Variants in DMD observed in about 807,000 individuals in gnomAD.
DMD encodes mutant dystrophin.
In DMD, 63 loss-of-function variants were observed where a neutral mutation model predicts 330.1. That is an observed-to-expected ratio of 0.19 (90% confidence interval 0.16 to 0.24). The LOEUF is 0.24. Among genes scored for constraint, DMD ranks in the 10% least tolerant of loss-of-function variants. The pLI is 1.00. For missense variants in DMD, 3,344 were observed against 2,684.1 expected, an observed-to-expected ratio of 1.25 and a Z score of -5.43; for synonymous variants, 1,223 against 959.8, an observed-to-expected ratio of 1.27 and a Z score of -5.07.
At chrX:32,400,065 G>C (rs1225364852) in intron 30 of DMD, among the ~76,000 whole-genome samples, 2 of 111,425 alleles carry the variant, frequency 1.8e-5, no homozygotes, top group African/African-American at 6.5e-5. Flanking sequence ...TCCGGTTTTT[G>C]CCCATTCAGT....
chrX:32,352,725 C>A (rs906797525), intron 37 of DMD, among the ~76,000 whole-genome samples: 9 of 110,699 alleles, frequency 8.1e-5, no homozygotes, highest in African/African-American at 2.9e-4. Context: ...GTCTTATTAT[C>A]TTGCATTATG....
At chrX:32,965,695 A>T (rs1244390373) in intron 2 of DMD, among the ~76,000 whole-genome samples, 1 of 111,035 alleles carries the variant, frequency 9.0e-6, no homozygotes, top group African/African-American at 3.3e-5. Context: ...TTACTTTTTT[A>T]TTTTGTATAT....
At chrX:32,173,015 T>C (rs1387287455) in intron 44 of DMD, among the ~76,000 whole-genome samples, 5 of 109,048 alleles carry the variant, frequency 4.6e-5, no homozygotes, top group African/African-American at 1.7e-4. Context: ...AACTGCTCAA[T>C]TAAAAAAAAA....
At chrX:31,722,108 T>G (rs889648579) in intron 52 of DMD, among the ~76,000 whole-genome samples, 3 of 97,901 alleles carry the variant, frequency 3.1e-5, no homozygotes, top group African/African-American at 1.3e-4. Context: ...TTGTATTTCT[T>G]TTTTATTATT....
In DMD at chrX:32,996,440, TGAA is replaced by T. The variant is rs1320039715; in HGVS notation, c.93+23696_93+23698del. On this transcript the variant is annotated intron_variant, in intron 2 of 78. Transcript: ENST00000357033. The stretch of plus-strand genomic sequence containing the variant: ...CAAATTCCATTTTTTGAAAGTATCA[TGAA>T]GAAGGATATTAAAGTACTTTAGATT... 2.7e-5 allele frequency among the ~76,000 whole-genome samples: 3 copies of T among 111,777 alleles called. No homozygotes were observed. The Admixed American group carries it at 2.9e-4, about 11-fold the overall frequency.
rs530693088 is a variant in DMD at position 32,726,878 on chromosome X, C to G, written c.650-27585G>C. 2.4e-4 allele frequency among the ~76,000 whole-genome samples: 26 copies of G among 109,971 alleles called. No homozygotes were observed. In the South Asian group the frequency reaches 1.0e-2, roughly 42 times the overall value. On this transcript the variant is annotated intron_variant, in intron 7 of 78. Transcript: ENST00000357033. ...TTTGAGAATCAAGGCAATTCAAATT[C>G]TAGGCCTAACGTTTACTAGATGTAG...
intron 1 of DMD, among the ~76,000 whole-genome samples, chrX:33,250,085 T>TTATATATATATATATATA (rs560212408): frequency 0.014 from 1,051 of 75,131 alleles, 35 homozygotes; most frequent in African/African-American, 0.042. Context: ...AAACTATTCA[T>TTATATATATATATATATA]TATATATATA....
chrX:32,228,852 T>A (rs938623269), intron 43 of DMD, among the ~76,000 whole-genome samples: 2 of 111,628 alleles, frequency 1.8e-5, no homozygotes, highest in African/African-American at 6.5e-5. Flanking sequence ...GTAGGAACTT[T>A]TACCCAGAAA....
At chrX:31,799,220 T>C (rs2091956861) in intron 50 of DMD, among the ~76,000 whole-genome samples, 2 of 112,142 alleles carry the variant, frequency 1.8e-5, no homozygotes, top group South Asian at 7.6e-4. Context: ...AGAGGGGATG[T>C]TGGTTGTATT....
At chrX:31,814,711 G>C (rs1390926914) in intron 50 of DMD, among the ~76,000 whole-genome samples, 1 of 111,271 alleles carries the variant, frequency 9.0e-6, no homozygotes, top group Non-Finnish European at 1.9e-5. Flanking sequence ...GCAGCTTGTG[G>C]ATAAGAAAGG....
intron 45 of DMD, among the ~76,000 whole-genome samples, chrX:31,940,094 A>G (rs2094974502): frequency 8.9e-6 from 1 of 111,852 alleles, no homozygotes; most frequent in African/African-American, 3.3e-5. Context: ...GGGGAGGCAG[A>G]CAGTAAACAA....
intron 44 of DMD, among the ~76,000 whole-genome samples, chrX:32,067,519 T>G (rs1228012683): frequency 9.0e-6 from 1 of 110,621 alleles, no homozygotes; most frequent in Non-Finnish European, 1.9e-5. Context: ...CCTTTCCCCT[T>G]CTATTAGTCC....
At chrX:31,209,392 G>C in intron 65 of DMD, 106 bp downstream of exon 65, 1 of 780,095 alleles carries the variant, frequency 1.3e-6, no homozygotes, top group Non-Finnish European at 2.0e-6. Flanking sequence ...AAGAGCATTA[G>C]GTCCACAGCT....
chrX:31,375,730 T>C lies in DMD; in HGVS notation c.9085-27096A>G, dbSNP rs765406257. 5.9e-4 allele frequency among the ~76,000 whole-genome samples: 66 copies of C among 111,533 alleles called. 2 individuals carry two copies. The highest frequency in any genetic ancestry group is 4.7e-3 in the Middle Eastern group (1 of 215). ...GGGGAAAGGAGGAAATGAGAAGTGG[T>C]TTAATGGGTACAGTTTCAGATTTGC... On this transcript the variant is annotated intron_variant, in intron 60 of 78. Transcript: ENST00000357033.
At chrX:32,635,663 G>A (rs927297217) in intron 11 of DMD, among the ~76,000 whole-genome samples, 1 of 111,735 alleles carries the variant, frequency 8.9e-6, no homozygotes, top group Non-Finnish European at 1.9e-5. Flanking sequence ...TTTTGTTGTT[G>A]TTGCATGGCA....
At chrX:31,193,809 A>C (rs147614316) in intron 67 of DMD, among the ~76,000 whole-genome samples, 43 of 111,371 alleles carry the variant, frequency 3.9e-4, no homozygotes, top group African/African-American at 1.4e-3. Flanking sequence ...TGTTAACATT[A>C]ATCTAATCAC....
intron 2 of DMD, among the ~76,000 whole-genome samples, chrX:32,955,090 G>C (rs1480789416): frequency 8.9e-6 from 1 of 111,755 alleles, no homozygotes; most frequent in Non-Finnish European, 1.9e-5. Context: ...TGGTATTTCT[G>C]TCTGTAGGTC....
rs140016382 is a variant in DMD at position 32,264,785 on chromosome X, C to T, written c.6290+22744G>A. Among the ~76,000 whole-genome samples, 291 of 111,635 alleles carry T rather than the reference C, an allele frequency of 2.6e-3. 2 individuals carry two copies. The highest frequency in any genetic ancestry group is 9.0e-3 in the African/African-American group (276 of 30,703). On this transcript the variant is annotated intron_variant, in intron 43 of 78. Coordinates refer to ENST00000357033, the MANE Select transcript of DMD (RefSeq NM_004006.3). ...TCCGAGAGATCTGTGGAATTTTGAACATGAGAGAGATGATTTAGGGCATCT... is the reference window on the plus strand; with the variant it reads ...TCCGAGAGATCTGTGGAATTTTGAATATGAGAGAGATGATTTAGGGCATCT...
chrX:31,285,192 A>T (rs2147934735), intron 62 of DMD, among the ~76,000 whole-genome samples: 1 of 112,164 alleles, frequency 8.9e-6, no homozygotes, highest in South Asian at 3.7e-4. Context: ...ATTACATATT[A>T]AAGAAATGTG....
Sources: gnomAD v4.1 joint callset for allele counts (sites outside exome capture counted in the v4.1 genomes callset) on GRCh38, gnomAD v4.1.1 for gene constraint, MANE v1.5 for transcripts, NCBI Gene and HGNC (gene_info 2026-07-23, HGNC 2026-07-21) for gene names.